PLEKHG1: variants seen among roughly 807,000 people sequenced by gnomAD.
PLEKHG1 encodes pleckstrin homology and RhoGEF domain containing G1.
Under a neutral mutation model 100.8 loss-of-function variants are expected in PLEKHG1, and 44 were observed. The ratio of observed to expected loss-of-function variants is 0.44; its 90% CI spans 0.34 to 0.56. The LOEUF (loss-of-function observed/expected upper bound fraction) is 0.56. Among genes scored for constraint, PLEKHG1 ranks in the 20% least tolerant of loss-of-function variants. The probability of loss-of-function intolerance (pLI) is 0.01; values close to 1 mark genes in which losing one functional copy is unlikely to be tolerated. For missense variants in PLEKHG1, 1,545 were observed against 1,720.9 expected (o/e 0.90, Z 1.81); for synonymous variants, 640 against 662.5 (o/e 0.97, Z 0.52).
intron 1 of PLEKHG1, among the ~76,000 whole-genome samples, chr6:150,730,740 T>A (rs1782205852): frequency 6.6e-6 from 1 of 151,930 alleles, no homozygotes; most frequent in Non-Finnish European, 1.5e-5. Flanking sequence ...CCGTCTCTAC[T>A]AAAAATATAA....
At chr6:150,633,330 C>G (rs1371496045) in intron 1 of PLEKHG1, 1 of 153,416 alleles carries the variant, frequency 6.5e-6, no homozygotes, top group Non-Finnish European at 1.5e-5. Context: ...AAGGACCTGG[C>G]AGGCAGAGCA....
chr6:150,832,592 G>A (rs76659439), intron 15 of PLEKHG1, among the ~76,000 whole-genome samples: 5,045 of 152,024 alleles, frequency 0.033, 96 homozygotes, highest in South Asian at 0.055. Flanking sequence ...TCTGAGGTTT[G>A]GAAGCATATA....
chr6:150,666,834 C>G (rs867664015), intron 3 of PLEKHG1, among the ~76,000 whole-genome samples: 23 of 151,598 alleles, frequency 1.5e-4, no homozygotes, highest in Middle Eastern at 3.4e-3. Flanking sequence ...AATCTCGGCT[C>G]ACTGCAATCT....
chr6:150,815,207 T>A (rs983539475), intron 10 of PLEKHG1, among the ~76,000 whole-genome samples: 1 of 152,192 alleles, frequency 6.6e-6, no homozygotes, highest in African/African-American at 2.4e-5. Flanking sequence ...ATTTTAAACA[T>A]CAAGAAATGT....
rs529988588 is a variant in PLEKHG1, at chr6:150,655,748, A to G, written c.-99+4962A>G. Among the ~76,000 whole-genome samples, 3 of 151,574 alleles carry G rather than the reference A, an allele frequency of 2.0e-5. No individual in the cohort carries two copies. The East Asian group carries it at 5.8e-4, about 29-fold the overall frequency. On this transcript the variant is annotated intron_variant, in intron 3 of 3. Transcript: ENST00000367326. ...AAAAAAAAGAAAATGTGACAAATATACACCATGGAATACTATGCAGCCATA... is the reference window on the plus strand; with the variant it reads ...AAAAAAAAGAAAATGTGACAAATATGCACCATGGAATACTATGCAGCCATA...
chr6:150,659,608 A>T (rs1779104727), intron 3 of PLEKHG1, among the ~76,000 whole-genome samples: 3 of 152,190 alleles, frequency 2.0e-5, no homozygotes, highest in Non-Finnish European at 4.4e-5. Flanking sequence ...CAGCAGCGGG[A>T]GTAATATTAT....
intron 1 of PLEKHG1, among the ~76,000 whole-genome samples, chr6:150,730,112 A>G (rs925271375): frequency 3.5e-4 from 53 of 152,294 alleles, no homozygotes; most frequent in African/African-American, 1.1e-3. Context: ...CTGATCATCA[A>G]TGTAGTGCCA....
At chr6:150,706,167 AT>A (rs1780995796) in intron 3 of PLEKHG1, among the ~76,000 whole-genome samples, 1 of 152,150 alleles carries the variant, frequency 6.6e-6, no homozygotes, top group African/African-American at 2.4e-5. Flanking sequence ...ATCTTGTCTT[AT>A]TTTTCAGAAG....
At chr6:150,701,756 C>CA (rs914141334) in intron 3 of PLEKHG1, among the ~76,000 whole-genome samples, 22 of 150,058 alleles carry the variant, frequency 1.5e-4, no homozygotes, top group East Asian at 9.7e-4. Flanking sequence ...ACTTAAAAAA[C>CA]AAAAAAAAGA....
At chr6:150,706,998 C>CTTTT (rs71014517) in intron 3 of PLEKHG1, among the ~76,000 whole-genome samples, 6 of 51,926 alleles carry the variant, frequency 1.2e-4, no homozygotes, top group African/African-American at 4.7e-4. Context: ...TTTTCTTTTT[C>CTTTT]TTTTTTTTTT....
intron 3 of PLEKHG1, among the ~76,000 whole-genome samples, chr6:150,681,290 G>A (rs1486652034): frequency 6.6e-6 from 1 of 152,094 alleles, no homozygotes; most frequent in African/African-American, 2.4e-5. Flanking sequence ...GGGAGGCTGA[G>A]GCGGGTAGAT....
At chr6:150,830,432 G>A (rs1488489448) in intron 14 of PLEKHG1, 150 bp from the exon 16 acceptor site, 3 of 596,642 alleles carry the variant, frequency 5.0e-6, no homozygotes, top group Non-Finnish European at 8.6e-6. Flanking sequence ...AGATTAGCCT[G>A]GGTAACACAG....
At chr6:150,822,193 C>T (rs1367527691) in intron 13 of PLEKHG1, among the ~76,000 whole-genome samples, 1 of 134,626 alleles carries the variant, frequency 7.4e-6, no homozygotes, top group Non-Finnish European at 1.6e-5. Flanking sequence ...AGGGCAGTTT[C>T]ACAAAAACAC....
intron 2 of PLEKHG1, among the ~76,000 whole-genome samples, chr6:150,644,427 T>C (rs964689455): frequency 2.0e-5 from 3 of 147,330 alleles, no homozygotes. Flanking sequence ...CTCTGCCTCC[T>C]GGGTTCAAGT....
intron 2 of PLEKHG1, among the ~76,000 whole-genome samples, chr6:150,741,301 G>C (rs1782843238): frequency 6.6e-6 from 1 of 152,178 alleles, no homozygotes; most frequent in African/African-American, 2.4e-5. Context: ...AAGAGTTCAT[G>C]TGTACTTTGT....
At chr6:150,807,486 G>A (rs1787194626) in intron 7 of PLEKHG1, among the ~76,000 whole-genome samples, 1 of 152,034 alleles carries the variant, frequency 6.6e-6, no homozygotes, top group African/African-American at 2.4e-5. Flanking sequence ...TTAATTAAAC[G>A]GTGCTTGTGA....
At chr6:150,834,585 C>G (rs533892948) in intron 15 of PLEKHG1, among the ~76,000 whole-genome samples, 30 of 152,302 alleles carry the variant, frequency 2.0e-4, no homozygotes, top group African/African-American at 6.7e-4. Flanking sequence ...ACGACTACCT[C>G]GAGTAGTCTT....
chr6:150,721,504 G>A (rs1367920917), intron 1 of PLEKHG1, among the ~76,000 whole-genome samples: 1 of 152,176 alleles, frequency 6.6e-6, no homozygotes. Context: ...AATATCTAGA[G>A]AGCTGATGTA....
At position 150,725,192 on chromosome 6, in the gene PLEKHG1, G is replaced by A. The variant is rs2128612168; in HGVS notation, c.-99+3992G>A. 3.9e-5 allele frequency among the ~76,000 whole-genome samples: 6 copies of A among 152,182 alleles called. 1 individual carries two copies. In the Middle Eastern group the frequency reaches 0.02, roughly 518 times the overall value. ...GTGCCCTCCTGTGTATCCTCACATG[G>A]CAGAAGGAGCAAACAAGCTCCCTCT... On this transcript the variant is annotated intron_variant, in intron 1 of 15. Coordinates refer to ENST00000358517, the Ensembl canonical transcript of PLEKHG1.
Sources: gnomAD v4.1 joint callset for allele counts (sites outside exome capture counted in the v4.1 genomes callset) on GRCh38, gnomAD v4.1.1 for gene constraint, MANE v1.5 for transcripts, NCBI Gene and HGNC (gene_info 2026-07-23, HGNC 2026-07-21) for gene names.